The following TCF20 variants were observed in gnomAD, a reference collection of about 807,000 sequenced individuals.
TCF20 encodes the protein SPRE-binding protein.
A neutral mutation model predicts 148.6 loss-of-function variants in TCF20; 3 were observed. The ratio of observed to expected loss-of-function variants is 0.02; its 90% CI spans 0.01 to 0.05. TCF20 has a LOEUF of 0.05. Ranked by LOEUF, TCF20 falls within the 10% of genes least tolerant of loss-of-function variation. The pLI, the probability that TCF20 is intolerant of heterozygous loss-of-function variation, is 1.00. For synonymous variants in TCF20, 1,049 were observed against 909.5 expected (o/e 1.15, Z -2.76); for missense variants, 2,350 against 2,429.3 (o/e 0.97, Z 0.69).
At chr22:42,342,678 C>T (rs1049026487) in intron 1 of TCF20, among the ~76,000 whole-genome samples, 7 of 152,156 alleles carry the variant, frequency 4.6e-5, no homozygotes, top group Non-Finnish European at 1.0e-4. Context: ...CAAGGCTGCC[C>T]CCATCTCACC....
intron 5 of TCF20, among the ~76,000 whole-genome samples, chr22:42,161,975 T>TA (rs1303514255): frequency 4.2e-5 from 3 of 71,560 alleles, no homozygotes; most frequent in Non-Finnish European, 5.9e-5. Flanking sequence ...TGACAGTCTT[T>TA]TTTTTTTTTT....
chr22:42,221,284 C>T (rs1176384718), intron 1 of TCF20, among the ~76,000 whole-genome samples: 1 of 152,214 alleles, frequency 6.6e-6, no homozygotes, highest in Non-Finnish European at 1.5e-5. Context: ...CAGGAACCTT[C>T]CCAATTCCAG....
intron 5 of TCF20, among the ~76,000 whole-genome samples, chr22:42,166,760 C>G (rs1251493725): frequency 2.6e-5 from 4 of 152,174 alleles, no homozygotes; most frequent in Non-Finnish European, 5.9e-5. Context: ...AGATGCAATT[C>G]CAGGACAAAA....
chr22:42,244,754 GATTA>G (rs1182641503), intron 1 of TCF20, among the ~76,000 whole-genome samples: 5 of 152,112 alleles, frequency 3.3e-5, no homozygotes, highest in African/African-American at 9.7e-5. Flanking sequence ...GCTTAAAAAT[GATTA>G]ATTTTGTCAC....
At chr22:42,162,072 C>T (rs1322071965) in intron 5 of TCF20, among the ~76,000 whole-genome samples, 1 of 150,070 alleles carries the variant, frequency 6.7e-6, no homozygotes, top group African/African-American at 2.5e-5. Flanking sequence ...CCTCTGCCCC[C>T]TGGGTTCAAG....
intron 1 of TCF20, among the ~76,000 whole-genome samples, chr22:42,226,404 T>C (rs1922897798): frequency 6.6e-6 from 1 of 152,220 alleles, no homozygotes; most frequent in East Asian, 1.9e-4. Context: ...TTATAATTCA[T>C]TCAAATATAA....
At chr22:42,245,392 C>G (rs1057360249) in intron 1 of TCF20, among the ~76,000 whole-genome samples, 1 of 152,158 alleles carries the variant, frequency 6.6e-6, no homozygotes, top group Non-Finnish European at 1.5e-5. Context: ...CTGTCTCATT[C>G]CCATGGCTAC....
Position 42,213,670 on chromosome 22 carries a change from T to C in TCF20, c.1636A>G (p.Thr546Ala), listed in dbSNP as rs921383747. The C allele has an allele frequency of 1.2e-6, 2 of 1,614,048 alleles. No homozygotes were observed. The highest frequency in any genetic ancestry group is 1.3e-5 in the African/African-American group (1 of 75,028). The part of the protein sequence containing the change: ...QLSGQSTSSD[T>A]TYKGGASEKA... ...TCAGAGGCTCCACCCTTGTAGGTGGTGTCAGAGCTGGTGCTCTGGCCACTT... is the reference window on the plus strand; with the variant it reads ...TCAGAGGCTCCACCCTTGTAGGTGGCGTCAGAGCTGGTGCTCTGGCCACTT... The change falls in exon 2 of 6, where the codon ACC (threonine) becomes GCC (alanine). Residue 546 changes from threonine to alanine, a missense_variant. Physicochemically the swap from Thr to Ala is moderately conservative, Grantham distance 58. Transcript: ENST00000677622.
chr22:42,214,336 G>C lies in TCF20; in HGVS notation c.970C>G (p.Pro324Ala), dbSNP rs771967419. 6.2e-7 allele frequency: 1 copy of C among 1,614,202 alleles called. No individual in the cohort carries two copies. Among genetic ancestry groups the C allele is most frequent in the Non-Finnish European group, 8.5e-7 (1 of 1,180,046 alleles). ...GTATACTGCATCACATGCTGAGAAGGGTGTTGTTGTTGCTGCGGTTGCTGC... is the reference window on the plus strand; with the variant it reads ...GTATACTGCATCACATGCTGAGAAGCGTGTTGTTGTTGCTGCGGTTGCTGC... ...QQQQPQQQQH[P>A]SQHVMQYTNA... Residue 324 changes from proline (P) to alanine (A), a missense_variant, in exon 2 of 6, where the codon CCT (proline) becomes GCT (alanine). Around this residue, in one of 7 missense-constraint regions of TCF20, gnomAD observed 1,641 missense variants for 1,662.6 expected, o/e 0.99. Transcript: ENST00000677622.
At chr22:42,328,106 G>A (rs1279759403) in intron 1 of TCF20, among the ~76,000 whole-genome samples, 4 of 152,068 alleles carry the variant, frequency 2.6e-5, no homozygotes, top group Non-Finnish European at 4.4e-5. Flanking sequence ...TTGGGTCAGG[G>A]CTTGTCTTCT....
chr22:42,267,561 C>T (rs1490503852), intron 1 of TCF20, among the ~76,000 whole-genome samples: 2 of 151,888 alleles, frequency 1.3e-5, no homozygotes, highest in East Asian at 1.9e-4. Context: ...ATTAGCTGGG[C>T]GTGGTGGTGC....
intron 1 of TCF20, among the ~76,000 whole-genome samples, chr22:42,244,602 A>C (rs1418874969): frequency 1.3e-5 from 2 of 152,176 alleles, no homozygotes; most frequent in Non-Finnish European, 2.9e-5. Context: ...TAAAAACAGA[A>C]AGCAGATCGG....
chr22:42,321,186 T>C (rs1023701246), intron 1 of TCF20, among the ~76,000 whole-genome samples: 3 of 152,174 alleles, frequency 2.0e-5, no homozygotes, highest in Non-Finnish European at 2.9e-5. Context: ...CCCTGACCTC[T>C]CAGTGACGGA....
chr22:42,168,879 C>G (rs974973485), intron 4 of TCF20, 143 bp from the exon 5 acceptor site: 1 of 1,170,000 alleles, frequency 8.5e-7, no homozygotes, highest in African/African-American at 1.6e-5. Flanking sequence ...AGGAGACATT[C>G]AGACAGGGTT....
intron 1 of TCF20, among the ~76,000 whole-genome samples, chr22:42,246,566 A>G (rs1432133617): frequency 6.6e-6 from 1 of 152,218 alleles, no homozygotes; most frequent in Non-Finnish European, 1.5e-5. Flanking sequence ...TACCTCTAAA[A>G]TGATTGCTTG....
chr22:42,249,474 A>C (rs73431701), intron 1 of TCF20, among the ~76,000 whole-genome samples: 5,967 of 152,296 alleles, frequency 0.039, 387 homozygotes, highest in African/African-American at 0.14. Context: ...ACAATTGAAG[A>C]GATCTGTGAA....
chr22:42,291,306 A>C (rs926961253), intron 1 of TCF20, among the ~76,000 whole-genome samples: 3 of 152,140 alleles, frequency 2.0e-5, no homozygotes, highest in Non-Finnish European at 4.4e-5. Context: ...GCCCCAGGGG[A>C]GGGGCCCTCC....
intron 1 of TCF20, among the ~76,000 whole-genome samples, chr22:42,289,786 C>T (rs1485713065): frequency 6.6e-6 from 1 of 152,224 alleles, no homozygotes; most frequent in East Asian, 1.9e-4. Context: ...GAGCCTGCAG[C>T]CTGCCCCGGG....
chr22:42,246,168 T>G (rs948537272), intron 1 of TCF20, among the ~76,000 whole-genome samples: 4 of 152,196 alleles, frequency 2.6e-5, no homozygotes, highest in Admixed American at 1.3e-4. Flanking sequence ...TGCACTGGTG[T>G]GATCTTGGCT....
Sources: gnomAD v4.1 joint callset for allele counts (sites outside exome capture counted in the v4.1 genomes callset) on GRCh38, gnomAD v4.1.1 for gene constraint, gnomAD v4.1.1 regional missense constraint, MANE v1.5 for transcripts, NCBI Gene and HGNC (gene_info 2026-07-23, HGNC 2026-07-21) for gene names.